GPC6: variants seen among roughly 807,000 people sequenced by gnomAD.
GPC6 encodes glypican 6.
GPC6 carries 14 observed loss-of-function variants against 55.2 expected under a neutral mutation model. The observed-to-expected ratio is 0.25, with a 90% CI of 0.17 to 0.40. The LOEUF (loss-of-function observed/expected upper bound fraction) is 0.40, where lower values mean the gene tolerates loss of function less well. GPC6 is among the 10% of genes least tolerant of loss of function. The probability of loss-of-function intolerance (pLI) is 1.00; values close to 1 mark genes in which losing one functional copy is unlikely to be tolerated. For missense variants in GPC6, 641 were observed against 708.5 expected, an observed-to-expected ratio of 0.90 and a Z score of 1.08; for synonymous variants, 278 against 259.6, an observed-to-expected ratio of 1.07 and a Z score of -0.68.
chr13:94,050,647 C>G (rs531773187), intron 4 of GPC6, among the ~76,000 whole-genome samples: 12 of 152,262 alleles, frequency 7.9e-5, no homozygotes, highest in Admixed American at 7.8e-4. Context: ...CTCCTGGCAC[C>G]AGCGCTAAGG....
chr13:94,317,633 A>G (rs1055901912), intron 6 of GPC6, among the ~76,000 whole-genome samples: 1 of 152,256 alleles, frequency 6.6e-6, no homozygotes, highest in African/African-American at 2.4e-5. Context: ...TGAGGGCTCA[A>G]GTGAAAGGAT....
intron 4 of GPC6, among the ~76,000 whole-genome samples, chr13:94,256,672 T>C (rs1300266878): frequency 2.0e-5 from 3 of 152,154 alleles, no homozygotes; most frequent in Admixed American, 2.0e-4. Context: ...TTAGATTCTA[T>C]TCTACAGGAT....
chr13:93,926,931 T>C (rs1877890414), intron 3 of GPC6, among the ~76,000 whole-genome samples: 1 of 152,186 alleles, frequency 6.6e-6, no homozygotes, highest in Non-Finnish European at 1.5e-5. Context: ...TTGCTAATGA[T>C]GGCATACAGT....
At position 93,817,615 on chromosome 13, in the gene GPC6, C is replaced by T. The variant is rs191542762; in HGVS notation, c.320-12539C>T. Among the ~76,000 whole-genome samples, 96 of 152,232 alleles carry T rather than the reference C, an allele frequency of 6.3e-4. No homozygotes were observed. In the Middle Eastern group the frequency reaches 0.01, roughly 16 times the overall value. ...GGCTCACGCCTGTAATCCTAGCACT[C>T]TGAGAGACCGAGGTAGGTAGATGGC... On this transcript the variant is annotated intron_variant, in intron 2 of 8. Transcript: ENST00000377047.
At chr13:93,374,278 T>A (rs910581425) in intron 1 of GPC6, among the ~76,000 whole-genome samples, 11 of 152,126 alleles carry the variant, frequency 7.2e-5, no homozygotes, top group African/African-American at 2.7e-4. Context: ...AATAAAACCC[T>A]AGGGATTGCG....
At chr13:93,629,492 TA>T (rs990792616) in intron 2 of GPC6, among the ~76,000 whole-genome samples, 1 of 152,154 alleles carries the variant, frequency 6.6e-6, no homozygotes, top group Non-Finnish European at 1.5e-5. Context: ...ATCTATTTTT[TA>T]AAAATCTTTA....
At chr13:94,227,753 A>G (rs1021042646) in intron 4 of GPC6, among the ~76,000 whole-genome samples, 1 of 152,124 alleles carries the variant, frequency 6.6e-6, no homozygotes, top group Non-Finnish European at 1.5e-5. Flanking sequence ...CTGTCCATCC[A>G]TGCTGGCTTT....
intron 1 of GPC6, among the ~76,000 whole-genome samples, chr13:93,353,716 G>T (rs759104550): frequency 3.9e-5 from 6 of 152,130 alleles, no homozygotes; most frequent in Non-Finnish European, 7.4e-5. Flanking sequence ...TTTTTTGCTC[G>T]TGATTACTCA....
At chr13:93,699,361 G>A (rs926598843) in intron 2 of GPC6, among the ~76,000 whole-genome samples, 1 of 152,084 alleles carries the variant, frequency 6.6e-6, no homozygotes, top group African/African-American at 2.4e-5. Flanking sequence ...GTAACAGGAT[G>A]GCTTTCAATT....
chr13:94,062,933 G>T (rs1884384281), intron 4 of GPC6, among the ~76,000 whole-genome samples: 1 of 152,136 alleles, frequency 6.6e-6, no homozygotes, highest in African/African-American at 2.4e-5. Flanking sequence ...ATTTAGTGGG[G>T]TGAAATACTA....
chr13:94,201,561 A>T (rs956217949), intron 4 of GPC6, among the ~76,000 whole-genome samples: 2 of 152,216 alleles, frequency 1.3e-5, no homozygotes, highest in Non-Finnish European at 2.9e-5. Context: ...GGTATAAATT[A>T]TGATAAAATT....
Position 94,382,922 on chromosome 13 carries a change from CAA to C in GPC6, c.1289+375_1289+376del, listed in dbSNP as rs780801004. ...AAATTTCCAGGGCTCTTTTTTTCAT[CAA>C]AAGTTAAATAGGAAATGAAAATTCA... On this transcript the variant is annotated intron_variant, in intron 7 of 8. Transcript: ENST00000377047. Among the ~76,000 whole-genome samples, 6 of 151,922 alleles carry C rather than the reference CAA, an allele frequency of 3.9e-5. No individual in the cohort carries two copies. In the South Asian group the frequency reaches 6.2e-4, roughly 16 times the overall value.
At chr13:93,669,112 A>G (rs1881258437) in intron 2 of GPC6, among the ~76,000 whole-genome samples, 1 of 152,230 alleles carries the variant, frequency 6.6e-6, no homozygotes, top group South Asian at 2.1e-4. Context: ...AAGATGAGCC[A>G]AGAGAGAAGA....
chr13:93,375,096 C>T (rs1010605873), intron 1 of GPC6, among the ~76,000 whole-genome samples: 5 of 152,176 alleles, frequency 3.3e-5, no homozygotes, highest in Non-Finnish European at 4.4e-5. Flanking sequence ...TCCTGGCCTT[C>T]GTAAATTAAA....
At chr13:93,844,927 T>C (rs1888113467) in intron 3 of GPC6, among the ~76,000 whole-genome samples, 1 of 152,102 alleles carries the variant, frequency 6.6e-6, no homozygotes, top group Non-Finnish European at 1.5e-5. Flanking sequence ...CTTGTTTTTC[T>C]GAGGTTTGTC....
intron 1 of GPC6, among the ~76,000 whole-genome samples, chr13:93,333,123 T>A (rs1421065403): frequency 1.3e-5 from 2 of 152,154 alleles, no homozygotes; most frequent in African/African-American, 4.8e-5. Flanking sequence ...ATATTTCGAA[T>A]TCAGGTAGTG....
At chr13:93,269,612 CA>C (rs2084890356) in intron 1 of GPC6, among the ~76,000 whole-genome samples, 1 of 151,832 alleles carries the variant, frequency 6.6e-6, no homozygotes, top group Non-Finnish European at 1.5e-5. Flanking sequence ...AGAAGATCAA[CA>C]GAAGCCAACT....
At chr13:94,222,664 T>G (rs550850615) in intron 4 of GPC6, among the ~76,000 whole-genome samples, 1 of 152,266 alleles carries the variant, frequency 6.6e-6, no homozygotes, top group South Asian at 2.1e-4. Context: ...CTGGATCTCC[T>G]TATTCAATAG....
intron 1 of GPC6, among the ~76,000 whole-genome samples, chr13:93,330,800 C>T (rs868146589): frequency 6.6e-6 from 1 of 152,162 alleles, no homozygotes; most frequent in African/African-American, 2.4e-5. Context: ...TTTCTTTCAA[C>T]ATATAGATAT....
Sources: gnomAD v4.1 joint callset for allele counts (sites outside exome capture counted in the v4.1 genomes callset) on GRCh38, gnomAD v4.1.1 for gene constraint, MANE v1.5 for transcripts, NCBI Gene and HGNC (gene_info 2026-07-23, HGNC 2026-07-21) for gene names.